LRMDA: variants seen among roughly 807,000 people sequenced by gnomAD.
The protein encoded by LRMDA is leucine rich melanocyte differentiation associated, also known as leucine-rich melanocyte differentiation-associated protein.
Under a neutral mutation model 29.8 loss-of-function variants are expected in LRMDA, and 18 were observed. The ratio of observed to expected loss-of-function variants is 0.60; its 90% CI spans 0.42 to 0.90. LRMDA has a LOEUF of 0.90. LRMDA is among the 40% of genes least tolerant of loss of function. LRMDA has a pLI of 0.00. For missense variants in LRMDA, 273 were observed against 273.9 expected (o/e 1.00, Z 0.02); for synonymous variants, 125 against 109.4 (o/e 1.14, Z -0.89).
At position 76,210,856 on chromosome 10, in the gene LRMDA, G is replaced by A. The variant is rs181012156; in HGVS notation, c.517-113545G>A. Among the ~76,000 whole-genome samples, 175 of 152,342 alleles carry A rather than the reference G, an allele frequency of 1.1e-3. 1 individual carries two copies. The highest frequency in any genetic ancestry group is 4.1e-3 in the African/African-American group (170 of 41,582). ...GAACATCAGGGACTCCACTGCGTAT[G>A]TGTGTTGGAGGGACATCTGGAGGAT... On this transcript the variant is annotated intron_variant, in intron 5 of 6. Coordinates refer to ENST00000611255, the MANE Select transcript of LRMDA (RefSeq NM_001305581.2).
At chr10:76,377,903 A>G (rs1324490867) in intron 6 of LRMDA, among the ~76,000 whole-genome samples, 2 of 152,032 alleles carry the variant, frequency 1.3e-5, no homozygotes, top group Non-Finnish European at 2.9e-5. Context: ...TATTTTCTCT[A>G]TTTCTGGGGA....
intron 5 of LRMDA, among the ~76,000 whole-genome samples, chr10:76,088,131 C>G (rs928695331): frequency 5.3e-5 from 8 of 152,108 alleles, no homozygotes; most frequent in African/African-American, 1.9e-4. Flanking sequence ...CACAGACACA[C>G]AAAAAGAACT....
intron 2 of LRMDA, among the ~76,000 whole-genome samples, chr10:75,760,066 T>C (rs1230832129): frequency 1.3e-5 from 2 of 152,200 alleles, no homozygotes; most frequent in Non-Finnish European, 2.9e-5. Flanking sequence ...AAATTTAATG[T>C]AGAACAAGGG....
chr10:75,854,705 C>G (rs1157291760), intron 2 of LRMDA, among the ~76,000 whole-genome samples: 1 of 152,000 alleles, frequency 6.6e-6, no homozygotes. Context: ...TCTCCTAATG[C>G]TATCCCTCCC....
At chr10:76,093,240 G>C (rs555909962) in intron 5 of LRMDA, among the ~76,000 whole-genome samples, 26 of 151,908 alleles carry the variant, frequency 1.7e-4, no homozygotes, top group African/African-American at 6.0e-4. Flanking sequence ...GTTTCACCAT[G>C]TTGGCCGGGC....
intron 2 of LRMDA, among the ~76,000 whole-genome samples, chr10:75,697,850 T>TGTGC (rs10664076): frequency 1.3e-5 from 2 of 151,582 alleles, no homozygotes; most frequent in African/African-American, 4.9e-5. Flanking sequence ...TGTGTGTGTG[T>TGTGC]GCGTGTGTGT....
chr10:76,364,491 A>T (rs764669591), intron 6 of LRMDA, among the ~76,000 whole-genome samples: 15 of 128,402 alleles, frequency 1.2e-4, no homozygotes, highest in Non-Finnish European at 2.5e-4. Context: ...CCAAATTGTA[A>T]CAATTTAGAA....
intron 5 of LRMDA, among the ~76,000 whole-genome samples, chr10:76,169,448 A>G (rs527917877): frequency 1.3e-5 from 2 of 152,210 alleles, no homozygotes; most frequent in South Asian, 4.2e-4. Flanking sequence ...ATCCCACAGG[A>G]GCAGACGGGA....
At chr10:76,035,293 G>A (rs1213724843) in intron 2 of LRMDA, among the ~76,000 whole-genome samples, 2 of 151,582 alleles carry the variant, frequency 1.3e-5, no homozygotes, top group African/African-American at 4.8e-5. Context: ...CTCCCCACCC[G>A]CAGCAAAAAC....
intron 2 of LRMDA, among the ~76,000 whole-genome samples, chr10:75,949,079 T>G (rs1846528255): frequency 6.6e-6 from 1 of 152,096 alleles, no homozygotes; most frequent in African/African-American, 2.4e-5. Flanking sequence ...CTCCAGATTA[T>G]TCTCCTTCTT....
intron 6 of LRMDA, among the ~76,000 whole-genome samples, chr10:76,471,421 TAACTC>T (rs1369083076): frequency 2.6e-5 from 4 of 151,578 alleles, no homozygotes; most frequent in African/African-American, 9.7e-5. Flanking sequence ...TCTAATAAAA[TAACTC>T]AAAATATAGC....
At chr10:75,514,764 T>A (rs1845270861) in intron 2 of LRMDA, among the ~76,000 whole-genome samples, 1 of 152,218 alleles carries the variant, frequency 6.6e-6, no homozygotes, top group African/African-American at 2.4e-5. Flanking sequence ...CAGATACAGA[T>A]GCTGCTGCCA....
chr10:76,045,957 A>G (rs1456356921), intron 3 of LRMDA, among the ~76,000 whole-genome samples: 1 of 152,242 alleles, frequency 6.6e-6, no homozygotes, highest in Non-Finnish European at 1.5e-5. Context: ...CTCACAGAGC[A>G]AGAACATCCC....
chr10:76,051,136 G>A (rs567103570), intron 4 of LRMDA, among the ~76,000 whole-genome samples: 2 of 152,156 alleles, frequency 1.3e-5, no homozygotes, highest in Non-Finnish European at 2.9e-5. Context: ...ACCCTCCGCC[G>A]TCTGGTCGCT....
intron 2 of LRMDA, among the ~76,000 whole-genome samples, chr10:75,743,971 A>G (rs999288916): frequency 3.3e-5 from 5 of 152,210 alleles, no homozygotes; most frequent in Non-Finnish European, 7.3e-5. Context: ...ATTTTGTGAT[A>G]TTACTTAGGG....
intron 6 of LRMDA, among the ~76,000 whole-genome samples, chr10:76,411,419 A>G (rs1170565393): frequency 1.3e-5 from 2 of 152,190 alleles, no homozygotes; most frequent in African/African-American, 4.8e-5. Context: ...AAAATCCAAC[A>G]TAATTAGGAT....
chr10:76,224,586 A>T (rs182689706), intron 5 of LRMDA, among the ~76,000 whole-genome samples: 1,904 of 152,006 alleles, frequency 0.013, 19 homozygotes, highest in Non-Finnish European at 0.02. Context: ...AAGAAAAAAA[A>T]AATGTTAGGC....
intron 2 of LRMDA, among the ~76,000 whole-genome samples, chr10:76,006,435 A>G (rs1485133301): frequency 6.6e-6 from 1 of 152,158 alleles, no homozygotes; most frequent in East Asian, 1.9e-4. Context: ...GGGCTCTTGG[A>G]AACCAGGTGG....
intron 5 of LRMDA, among the ~76,000 whole-genome samples, chr10:76,161,667 A>G (rs1459453948): frequency 1.3e-5 from 2 of 152,228 alleles, no homozygotes; most frequent in African/African-American, 4.8e-5. Flanking sequence ...TGATGAACAG[A>G]AAGGGTCACC....
Sources: allele counts gnomAD v4.1 joint callset (sites outside exome capture counted in the v4.1 genomes callset), GRCh38; gene constraint gnomAD v4.1.1; transcripts MANE v1.5; gene names NCBI Gene and HGNC (gene_info 2026-07-23, HGNC 2026-07-21).